FBXL20: variants seen among roughly 807,000 people sequenced by gnomAD.
FBXL20 encodes the protein F-box/LRR-repeat protein 20.
Under a neutral mutation model 64.0 loss-of-function variants are expected in FBXL20, and 11 were observed. The observed-to-expected ratio is 0.17, with a 90% confidence interval of 0.11 to 0.28. The LOEUF (loss-of-function observed/expected upper bound fraction) is 0.28, where lower values mean the gene tolerates loss of function less well. FBXL20 is among the 10% of genes least tolerant of loss of function. The probability of loss-of-function intolerance (pLI) is 1.00; values close to 1 mark genes in which losing one functional copy is unlikely to be tolerated. For synonymous variants in FBXL20, 184 were observed against 189.0 expected, an observed-to-expected ratio of 0.97 and a Z score of 0.22; for missense variants, 303 against 526.2, an observed-to-expected ratio of 0.58 and a Z score of 4.15.
intron 1 of FBXL20, among the ~76,000 whole-genome samples, chr17:39,372,616 ATT>A (rs200200903): frequency 2.2e-4 from 30 of 138,550 alleles, no homozygotes; most frequent in African/African-American, 4.5e-4. Context: ...CTGTTTGATA[ATT>A]TTTTTTTTTT....
chr17:39,391,746 G>A (rs2048135621), intron 1 of FBXL20, among the ~76,000 whole-genome samples: 1 of 151,844 alleles, frequency 6.6e-6, no homozygotes, highest in South Asian at 2.1e-4. Context: ...CCAACAGAGA[G>A]CTCTGGAAAA....
At position 39,286,309 on chromosome 17, in the gene FBXL20, G is replaced by A. The variant is rs183405702; in HGVS notation, c.399-736C>T. On this transcript the variant is annotated intron_variant, in intron 6 of 14. Transcript: ENST00000264658. The stretch of plus-strand genomic sequence containing the variant: ...GGCCCACTGCAACCTCCATTTCCGG[G>A]TTCAAGCAATTCTCATGCCTCAGCC... Among the ~76,000 whole-genome samples the A allele has an allele frequency of 3.5e-3, 527 of 152,226 alleles. 2 individuals carry two copies. Among genetic ancestry groups the A allele is most frequent in the Admixed American group, 5.6e-3 (85 of 15,274 alleles).
intron 1 of FBXL20, among the ~76,000 whole-genome samples, chr17:39,353,599 C>CTTATGTAT (rs1555611854): frequency 1.9e-4 from 26 of 140,322 alleles, no homozygotes; most frequent in Admixed American, 1.0e-3. Context: ...ACCACTACAC[C>CTTATGTAT]TTATTTATTT....
chr17:39,337,161 T>C (rs1368176044), intron 2 of FBXL20, among the ~76,000 whole-genome samples: 1 of 152,152 alleles, frequency 6.6e-6, no homozygotes, highest in East Asian at 1.9e-4. Context: ...GGTTTTCGTA[T>C]TTTTCTGGTG....
At chr17:39,368,780 C>T (rs1238635665) in intron 1 of FBXL20, among the ~76,000 whole-genome samples, 5 of 151,792 alleles carry the variant, frequency 3.3e-5, no homozygotes, top group East Asian at 1.9e-4. Flanking sequence ...CTCAGCCTCC[C>T]GAGTAGCTGG....
intron 2 of FBXL20, among the ~76,000 whole-genome samples, chr17:39,330,661 A>G (rs533283890): frequency 2.6e-5 from 4 of 152,306 alleles, no homozygotes; most frequent in South Asian, 4.1e-4. Flanking sequence ...GCTTTTAAAG[A>G]AAAAGAAAGA....
At chr17:39,278,784 G>C (rs942638889) in intron 9 of FBXL20, among the ~76,000 whole-genome samples, 85 of 210 alleles carry the variant, frequency 0.4, no homozygotes, top group Non-Finnish European at 0.45. Flanking sequence ...GACCTCAAAC[G>C]ATCCACCGTC....
chr17:39,291,770 T>A (rs2047041805), intron 6 of FBXL20, among the ~76,000 whole-genome samples: 1 of 152,172 alleles, frequency 6.6e-6, no homozygotes, highest in Non-Finnish European at 1.5e-5. Context: ...TTTGATGCTA[T>A]ACATTTTGCT....
intron 9 of FBXL20, 39 bp from the exon 10 acceptor site, chr17:39,275,139 T>G: frequency 6.4e-7 from 1 of 1,563,638 alleles, no homozygotes; most frequent in Non-Finnish European, 8.6e-7. Flanking sequence ...GATATTAGTA[T>G]CTTAGCAAAA....
intron 1 of FBXL20, among the ~76,000 whole-genome samples, chr17:39,372,644 T>C (rs35546703): frequency 0.36 from 53,203 of 146,976 alleles, 12,270 homozygotes; most frequent in African/African-American, 0.65. Flanking sequence ...AGATGGAGTT[T>C]CGCTCTTGTT....
intron 2 of FBXL20, among the ~76,000 whole-genome samples, chr17:39,326,882 CTT>C (rs904426291): frequency 8.5e-4 from 111 of 131,082 alleles, no homozygotes; most frequent in Admixed American, 1.6e-3. Context: ...CCTGTCTTGG[CTT>C]TTTTTTTTTT....
chr17:39,274,935 C>A (rs1482839069), intron 10 of FBXL20, 35 bp downstream of exon 10: 3 of 1,611,010 alleles, frequency 1.9e-6, no homozygotes. Context: ...AACTTTTGTT[C>A]TATGATTTTT....
rs1486636458 is a variant in FBXL20, at chr17:39,275,024, G to A, written c.773C>T (p.Ser258Phe). The A allele has an allele frequency of 2.5e-6, 4 of 1,613,932 alleles. No individual in the cohort carries two copies. The highest frequency in any genetic ancestry group is 3.4e-6 in the Non-Finnish European group (4 of 1,180,018). ...ATTCAGGATGGCATCTGTGATGTTG[G>A]AGCAGCCAGAGGCACAAAGGGATTG... Reference protein sequence around the residue: ...KLQSLCASGCSNITDAILNAL... With the variant: ...KLQSLCASGCFNITDAILNAL... Residue 258 changes from serine (S) to phenylalanine (F), a missense_variant, in exon 10 of 15, where the codon TCC (serine) becomes TTC (phenylalanine). Ser to Phe is a radical substitution (Grantham distance 155). Transcript: ENST00000264658.
chr17:39,255,408 G>C lies in FBXL20; in HGVS notation c.*6052C>G, dbSNP rs902200377. On this transcript the variant is annotated 3_prime_UTR_variant, in exon 15 of 15. Coordinates refer to ENST00000264658, the MANE Select transcript of FBXL20 (RefSeq NM_032875.3). The stretch of plus-strand genomic sequence containing the variant: ...GCCGAGATCACGCCACTGCACTCCA[G>C]CCTGGGAAACAGAGCGAGACTCTGT... The C allele has an allele frequency of 6.6e-6, 1 of 152,186 alleles. No individual in the cohort carries two copies. The highest frequency in any genetic ancestry group is 2.4e-5 in the African/African-American group (1 of 41,426). 9.4% of individuals were successfully genotyped at this position (152,186 alleles called of 1,614,324 possible).
At chr17:39,396,102 C>T (rs894161266) in intron 1 of FBXL20, among the ~76,000 whole-genome samples, 7 of 149,246 alleles carry the variant, frequency 4.7e-5, no homozygotes, top group Non-Finnish European at 8.9e-5. Context: ...TTATTTCAGC[C>T]TTAACGGTGT....
At chr17:39,303,367 T>C (rs141697544) in intron 3 of FBXL20, among the ~76,000 whole-genome samples, 41 of 152,326 alleles carry the variant, frequency 2.7e-4, no homozygotes, top group African/African-American at 9.9e-4. Flanking sequence ...TTCCTGTTTA[T>C]ATTACACAAA....
chr17:39,358,647 A>T (rs2047764783), intron 1 of FBXL20, among the ~76,000 whole-genome samples: 1 of 152,022 alleles, frequency 6.6e-6, no homozygotes, highest in South Asian at 2.1e-4. Flanking sequence ...AAACCACTGC[A>T]CTCCAGCCTG....
chr17:39,276,947 T>C (rs2046902846), intron 9 of FBXL20, among the ~76,000 whole-genome samples: 1 of 152,162 alleles, frequency 6.6e-6, no homozygotes, highest in Admixed American at 6.5e-5. Context: ...AAAAGGAAAG[T>C]TACACATAAA....
intron 2 of FBXL20, among the ~76,000 whole-genome samples, chr17:39,333,503 ACCTCCCAGCCG>A (rs937033693): frequency 6.7e-6 from 1 of 150,282 alleles, no homozygotes; most frequent in Admixed American, 6.6e-5. Context: ...TACAACCTCC[ACCTCCCAGCCG>A]CCTGCCTTGG....
Sources: gnomAD v4.1 joint callset for allele counts (sites outside exome capture counted in the v4.1 genomes callset) on GRCh38, gnomAD v4.1.1 for gene constraint, MANE v1.5 for transcripts, NCBI Gene and HGNC (gene_info 2026-07-23, HGNC 2026-07-21) for gene names.